EDNRB: variants seen among roughly 807,000 people sequenced by gnomAD.
EDNRB encodes the protein endothelin receptor type B, also known as Hirschsprung disease 2.
EDNRB carries 18 observed loss-of-function variants against 46.4 expected under a neutral mutation model. The ratio of observed to expected loss-of-function variants is 0.39; its 90% confidence interval spans 0.27 to 0.57. The LOEUF is 0.57. Among genes scored for constraint, EDNRB ranks in the 20% least tolerant of loss-of-function variants. The pLI is 0.61. For missense variants in EDNRB, 434 were observed against 537.5 expected (o/e 0.81, Z 1.90); for synonymous variants, 213 against 204.9 (o/e 1.04, Z -0.34).
At chr13:77,972,073 T>G (rs1181022760) in intron 1 of EDNRB, among the ~76,000 whole-genome samples, 1 of 152,142 alleles carries the variant, frequency 6.6e-6, no homozygotes, top group African/African-American at 2.4e-5. Context: ...GAAGTGAACT[T>G]AATGTTGGGA....
chr13:77,938,601 G>A (rs1400454863), intron 1 of EDNRB, among the ~76,000 whole-genome samples: 1 of 152,132 alleles, frequency 6.6e-6, no homozygotes, highest in Non-Finnish European at 1.5e-5. Context: ...AATCAGAGAG[G>A]CATCCCTGCA....
chr13:77,917,874 A>G (rs971569170), intron 1 of EDNRB, among the ~76,000 whole-genome samples: 3 of 152,208 alleles, frequency 2.0e-5, no homozygotes, highest in African/African-American at 4.8e-5. Context: ...GCAGAGGTCT[A>G]CTGAAGACCT....
intron 1 of EDNRB, among the ~76,000 whole-genome samples, chr13:77,945,258 C>A (rs1471122512): frequency 6.6e-6 from 1 of 152,034 alleles, no homozygotes; most frequent in Non-Finnish European, 1.5e-5. Context: ...TAAAAAAAAT[C>A]CAAGACAATT....
intron 1 of EDNRB, chr13:77,939,050 T>C (rs903647056): frequency 1.3e-5 from 2 of 152,072 alleles, no homozygotes; most frequent in African/African-American, 4.8e-5. Flanking sequence ...ATCACCTGGG[T>C]GCAGGTGGGC....
intron 1 of EDNRB, among the ~76,000 whole-genome samples, chr13:77,942,683 A>G (rs1302935866): frequency 6.6e-6 from 1 of 152,172 alleles, no homozygotes; most frequent in Non-Finnish European, 1.5e-5. Context: ...ACCCATATCT[A>G]ACATCTAGAT....
intron 1 of EDNRB, among the ~76,000 whole-genome samples, chr13:77,972,288 A>T (rs749275914): frequency 6.6e-6 from 1 of 152,236 alleles, no homozygotes; most frequent in Admixed American, 6.5e-5. Context: ...CACAAGCATA[A>T]CAATTGCTTT....
In EDNRB at chr13:77,897,363, A is replaced by G. The variant is rs1202719412; in HGVS notation, c.*837T>C. 1 of 984,648 alleles carries G rather than the reference A, an allele frequency of 1.0e-6. No homozygotes were observed. Among genetic ancestry groups the G allele is most frequent in the Non-Finnish European group, 1.2e-6 (1 of 829,366 alleles). 61.0% of individuals were successfully genotyped at this position (984,648 alleles called of 1,614,324 possible). On this transcript the variant is annotated 3_prime_UTR_variant, in exon 7 of 7. Coordinates refer to ENST00000646607, the MANE Select transcript of EDNRB (RefSeq NM_001122659.3). ...GTAGATAGTATTGTCTTCACAGGGT[A>G]TGTGAATGACAGATTCAAAAAAGTC...
intron 1 of EDNRB, among the ~76,000 whole-genome samples, chr13:77,941,692 G>T (rs571521307): frequency 6.2e-3 from 185 of 29,636 alleles, no homozygotes; most frequent in Non-Finnish European, 9.5e-3. Flanking sequence ...ATGAGGAGTG[G>T]TGGTGATGGA....
At chr13:77,898,690 A>ATACACATG (rs1261182754) in intron 6 of EDNRB, among the ~76,000 whole-genome samples, 1 of 152,014 alleles carries the variant, frequency 6.6e-6, no homozygotes, top group Non-Finnish European at 1.5e-5. Context: ...TAAATAAATT[A>ATACACATG]TACACATGTA....
chr13:77,903,139 A>G lies in EDNRB; in HGVS notation c.801+17T>C, dbSNP rs1879085641. The G allele has an allele frequency of 1.2e-6, 2 of 1,612,260 alleles. No homozygotes were observed. The highest frequency in any genetic ancestry group is 2.7e-5 in the African/African-American group (2 of 74,920). On this transcript the variant is annotated intron_variant, in intron 3 of 6. Coordinates refer to ENST00000646607, the MANE Select transcript of EDNRB (RefSeq NM_001122659.3). Reference sequence around the variant, plus strand: ...TAAGGCAAGAGCAGAAAGGAAAATAAAAAAAGTGAAATTTACCTGCATGAA... The same window carrying G: ...TAAGGCAAGAGCAGAAAGGAAAATAGAAAAAGTGAAATTTACCTGCATGAA...
intron 1 of EDNRB, among the ~76,000 whole-genome samples, chr13:77,935,942 G>T (rs1476661836): frequency 2.0e-5 from 3 of 152,202 alleles, no homozygotes; most frequent in African/African-American, 7.2e-5. Context: ...AACCTGTAAG[G>T]CTTGTCTGGT....
intron 1 of EDNRB, among the ~76,000 whole-genome samples, chr13:77,958,146 A>G (rs965200769): frequency 3.3e-5 from 5 of 152,174 alleles, no homozygotes; most frequent in Non-Finnish European, 5.9e-5. Flanking sequence ...ATTGGAAACT[A>G]CAATTGTATA....
At position 77,896,831 on chromosome 13, in the gene EDNRB, A is replaced by G; in HGVS notation, c.*1369T>C. On this transcript the variant is annotated 3_prime_UTR_variant, in exon 7 of 7. Transcript: ENST00000646607. ...TTTCACACACATCTCATCCCAAGCTATCCTAAGGCACTTTGCTTAGAAGAT... is the reference window on the plus strand; with the variant it reads ...TTTCACACACATCTCATCCCAAGCTGTCCTAAGGCACTTTGCTTAGAAGAT... 1 of 1,129,378 alleles carries G rather than the reference A, an allele frequency of 8.9e-7. No individual in the cohort carries two copies. Among genetic ancestry groups the G allele is most frequent in the Non-Finnish European group, 1.1e-6 (1 of 922,848 alleles). 70.0% of individuals were successfully genotyped at this position (1,129,378 alleles called of 1,614,324 possible).
At chr13:77,956,770 G>A (rs139168550) in intron 1 of EDNRB, among the ~76,000 whole-genome samples, 2,177 of 152,210 alleles carry the variant, frequency 0.014, 46 homozygotes, top group East Asian at 0.024. Context: ...CACATTCCTT[G>A]GCTCATGGCC....
chr13:77,909,083 G>A (rs952959161), intron 1 of EDNRB, among the ~76,000 whole-genome samples: 6 of 151,854 alleles, frequency 4.0e-5, no homozygotes, highest in Non-Finnish European at 7.4e-5. Context: ...TGCTTCTCTA[G>A]AACATTTCTT....
chr13:77,944,205 G>A (rs1880836141), intron 1 of EDNRB, among the ~76,000 whole-genome samples: 1 of 152,122 alleles, frequency 6.6e-6, no homozygotes, highest in South Asian at 2.1e-4. Flanking sequence ...GATGGCCAAT[G>A]AGGCTCAGTG....
intron 1 of EDNRB, among the ~76,000 whole-genome samples, chr13:77,908,194 C>T (rs965815320): frequency 2.6e-5 from 4 of 151,568 alleles, no homozygotes; most frequent in Non-Finnish European, 5.9e-5. Context: ...ATGGCTTTGG[C>T]GAGACTCTAA....
intron 1 of EDNRB, among the ~76,000 whole-genome samples, chr13:77,966,076 A>T (rs953574975): frequency 3.3e-5 from 5 of 151,898 alleles, no homozygotes; most frequent in Non-Finnish European, 7.4e-5. Context: ...TTTTGAAGAG[A>T]TAGAGTCTTG....
chr13:77,918,396 C>A lies in EDNRB; in HGVS notation c.178G>T (p.Ala60Ser). 6.2e-7 allele frequency: 1 copy of A among 1,600,662 alleles called. No homozygotes were observed. The highest frequency in any genetic ancestry group is 8.5e-7 in the Non-Finnish European group (1 of 1,172,248). Residue 60 changes from alanine to serine, a missense_variant, in exon 1 of 7, where the codon GCC becomes TCC. Ala to Ser is a moderately conservative substitution (Grantham distance 99, BLOSUM62 1). Transcript: ENST00000646607. The surrounding 1 kb of genome is among the most constrained non-coding windows in gnomAD (Gnocchi z 4.5). ...GGTGCCAACGACCGCGCCAGACTGG[C>A]GTTGGAACCCTTGGGCCATAAGGTC... ...TKTLWPKGSN[A>S]SLARSLAPAE...
Sources: allele counts gnomAD v4.1 joint callset (sites outside exome capture counted in the v4.1 genomes callset), GRCh38; gene constraint gnomAD v4.1.1; non-coding constraint Gnocchi (gnomAD v3.1); transcripts MANE v1.5; gene names NCBI Gene and HGNC (gene_info 2026-07-23, HGNC 2026-07-21).